TSHR: variants seen among roughly 807,000 people sequenced by gnomAD.
TSHR encodes the protein thyrotropin receptor.
Under a neutral mutation model 64.1 loss-of-function variants are expected in TSHR, and 51 were observed. The observed-to-expected ratio is 0.80, with a 90% CI of 0.64 to 1.01. The LOEUF (loss-of-function observed/expected upper bound fraction) is 1.01, where lower values mean the gene tolerates loss of function less well. Ranked by LOEUF, TSHR falls within the 50% of genes least tolerant of loss-of-function variation. TSHR has a pLI of 0.00. For synonymous variants in TSHR, 361 were observed against 361.9 expected (o/e 1.00, Z 0.03); for missense variants, 877 against 942.8 (o/e 0.93, Z 0.91).
chr14:81,082,496 G>T (rs998092672), intron 3 of TSHR, among the ~76,000 whole-genome samples: 1 of 152,098 alleles, frequency 6.6e-6, no homozygotes, highest in Non-Finnish European at 1.5e-5. Context: ...TCTAGGCCCA[G>T]TCTTTGGACA....
rs113088370 is a variant in TSHR at position 81,047,148 on chromosome 14, A to G, written c.171-15000A>G. ...GAAACAGGCATAGTGGGTAGAAAATATGTGGTTTTAAATCAATGTATAATA... is the reference window on the plus strand; with the variant it reads ...GAAACAGGCATAGTGGGTAGAAAATGTGTGGTTTTAAATCAATGTATAATA... On this transcript the variant is annotated intron_variant, in intron 1 of 9. Coordinates refer to ENST00000298171, the MANE Select transcript of TSHR (RefSeq NM_000369.5). Among the ~76,000 whole-genome samples the G allele has an allele frequency of 5.6e-3, 860 of 152,350 alleles. 10 individuals are homozygous for G. The highest frequency in any genetic ancestry group is 0.031 in the Middle Eastern group (9 of 294).
rs121908868 is a variant in TSHR at position 81,143,286 on chromosome 14, G to A, written c.1228G>A (p.Asp410Asn). The change falls in exon 10 of 10, where the codon GAC (aspartate) becomes AAC (asparagine). Residue 410 changes from aspartate (D) to asparagine (N), a missense_variant. Physicochemically the swap from Asp to Asn is conservative, Grantham distance 23. Transcript: ENST00000298171. ...GTCCGATGAGTTCAACCCGTGTGAA[G>A]ACATAATGGGCTACAAGTTCCTGAG... ...PKSDEFNPCE[D>N]IMGYKFLRIV... 12 of 1,614,142 alleles carry A rather than the reference G, an allele frequency of 7.4e-6. No homozygotes were observed. The highest frequency in any genetic ancestry group is 9.3e-6 in the Non-Finnish European group (11 of 1,180,040).
intron 1 of TSHR, among the ~76,000 whole-genome samples, chr14:80,973,177 G>A (rs1293704637): frequency 6.6e-6 from 1 of 151,966 alleles, no homozygotes; most frequent in Non-Finnish European, 1.5e-5. Context: ...AGGCCGAGGA[G>A]GGCGGATCAC....
chr14:81,096,760 T>C, intron 7 of TSHR, 53 bp downstream of exon 7: 2 of 1,570,214 alleles, frequency 1.3e-6, no homozygotes, highest in African/African-American at 2.7e-5. Flanking sequence ...CTAAGAACCA[T>C]CCAATGGGGC....
At chr14:80,998,742 G>A (rs1319021424) in intron 1 of TSHR, among the ~76,000 whole-genome samples, 1 of 151,910 alleles carries the variant, frequency 6.6e-6, no homozygotes, top group Admixed American at 6.6e-5. Context: ...CAATAGAGTA[G>A]AAGGAAGAAT....
At chr14:81,066,957 C>G (rs932424628) in intron 2 of TSHR, among the ~76,000 whole-genome samples, 34 of 152,118 alleles carry the variant, frequency 2.2e-4, no homozygotes, top group African/African-American at 8.0e-4. Flanking sequence ...TTTGAGGAAA[C>G]TATTTGAAAT....
At chr14:81,092,888 A>G (rs1888868594) in intron 6 of TSHR, among the ~76,000 whole-genome samples, 1 of 152,212 alleles carries the variant, frequency 6.6e-6, no homozygotes, top group Admixed American at 6.5e-5. Flanking sequence ...CAACCTCTGT[A>G]GGAACTGGTC....
intron 7 of TSHR, among the ~76,000 whole-genome samples, chr14:81,107,543 T>C (rs953072614): frequency 6.6e-5 from 10 of 152,230 alleles, no homozygotes; most frequent in Admixed American, 2.0e-4. Flanking sequence ...GGAATTTTAT[T>C]TCAAAATCAC....
intron 5 of TSHR, 73 bp from the exon 6 acceptor site, chr14:81,092,458 T>A: frequency 7.7e-7 from 1 of 1,294,824 alleles, no homozygotes; most frequent in Non-Finnish European, 1.1e-6. Context: ...TTTAAGTGCA[T>A]ATGCGCAGCA....
intron 3 of TSHR, among the ~76,000 whole-genome samples, chr14:81,085,403 C>T (rs1888218548): frequency 6.6e-6 from 1 of 152,188 alleles, no homozygotes; most frequent in Non-Finnish European, 1.5e-5. Context: ...CAGAAAGCAG[C>T]TTCTTTTCCC....
intron 8 of TSHR, among the ~76,000 whole-genome samples, chr14:81,126,978 C>T (rs147173735): frequency 5.9e-5 from 9 of 152,312 alleles, no homozygotes; most frequent in Admixed American, 1.3e-4. Context: ...AGAAACAAGA[C>T]TGCATAGGAC....
intron 8 of TSHR, among the ~76,000 whole-genome samples, chr14:81,112,100 T>G (rs1890248101): frequency 6.6e-6 from 1 of 152,122 alleles, no homozygotes; most frequent in African/African-American, 2.4e-5. Flanking sequence ...GCATTCCAGG[T>G]TGTGGAAAGT....
intron 8 of TSHR, among the ~76,000 whole-genome samples, chr14:81,120,591 G>T (rs1465885266): frequency 6.6e-6 from 1 of 152,082 alleles, no homozygotes; most frequent in African/African-American, 2.4e-5. Context: ...GAGGCTTTCT[G>T]ATTTTCTGTA....
At chr14:81,061,038 G>A (rs936454096) in intron 1 of TSHR, among the ~76,000 whole-genome samples, 3 of 152,058 alleles carry the variant, frequency 2.0e-5, no homozygotes, top group African/African-American at 4.8e-5. Flanking sequence ...CACCTTTAAG[G>A]TGCAAATCCA....
chr14:81,120,198 A>G (rs1040003213), intron 8 of TSHR, among the ~76,000 whole-genome samples: 2 of 152,124 alleles, frequency 1.3e-5, no homozygotes, highest in African/African-American at 2.4e-5. Context: ...AAATAAAAAA[A>G]TAAAAAAGAA....
intron 1 of TSHR, among the ~76,000 whole-genome samples, chr14:80,988,385 G>C (rs956487430): frequency 2.6e-5 from 4 of 152,030 alleles, no homozygotes; most frequent in Admixed American, 2.0e-4. Flanking sequence ...GAAGGGGGTG[G>C]GGAAGTGCCA....
At chr14:80,988,285 G>A (rs1888569454) in intron 1 of TSHR, among the ~76,000 whole-genome samples, 1 of 147,916 alleles carries the variant, frequency 6.8e-6, no homozygotes, top group South Asian at 2.1e-4. Context: ...ACCTGTACAG[G>A]AAGCATGATG....
At chr14:81,017,470 G>T (rs910041226) in intron 1 of TSHR, among the ~76,000 whole-genome samples, 3 of 152,074 alleles carry the variant, frequency 2.0e-5, no homozygotes, top group African/African-American at 7.2e-5. Context: ...CATAATTTAA[G>T]CTAATGTCAA....
intron 3 of TSHR, among the ~76,000 whole-genome samples, chr14:81,071,476 C>T (rs76543855): frequency 0.012 from 1,752 of 151,528 alleles, 22 homozygotes; most frequent in Non-Finnish European, 0.018. Context: ...ATTTTTTTAC[C>T]GTCATTGTTT....
Sources: allele counts gnomAD v4.1 joint callset (sites outside exome capture counted in the v4.1 genomes callset), GRCh38; gene constraint gnomAD v4.1.1; transcripts MANE v1.5; gene names NCBI Gene and HGNC (gene_info 2026-07-23, HGNC 2026-07-21).